Variants in TENM3 observed in about 807,000 individuals in gnomAD.
TENM3 encodes the protein teneurin-3.
TENM3 carries 63 observed loss-of-function variants against 255.1 expected under a neutral mutation model. The ratio of observed to expected loss-of-function variants is 0.25; its 90% CI spans 0.20 to 0.30. TENM3 has a LOEUF of 0.30. TENM3 is among the 10% of genes least tolerant of loss of function. The probability of loss-of-function intolerance (pLI) is 1.00; values close to 1 mark genes in which losing one functional copy is unlikely to be tolerated. For synonymous variants in TENM3, 1,306 were observed against 1,322.3 expected (o/e 0.99, Z 0.27); for missense variants, 2,929 against 3,461.1 (o/e 0.85, Z 3.86).
intron 6 of TENM3, among the ~76,000 whole-genome samples, chr4:182,669,531 A>G (rs925724966): frequency 1.3e-4 from 19 of 151,852 alleles, no homozygotes; most frequent in Non-Finnish European, 2.6e-4. Context: ...CAGCCTCCCA[A>G]ATTGCTAGGA....
In TENM3 at chr4:182,389,785, G is replaced by T. The variant is rs7440791; in HGVS notation, c.511+42856G>T. Among the ~76,000 whole-genome samples, 3 of 144,302 alleles carry T rather than the reference G, an allele frequency of 2.1e-5. No homozygotes were observed. The South Asian group carries it at 6.5e-4, about 31-fold the overall frequency. The allele number at this position is 144,302 out of a possible 152,430, so 94.7% of individuals were successfully genotyped here. A position where few individuals can be genotyped will look rare whatever the true frequency, so the allele number is the denominator to read the frequency against. On this transcript the variant is annotated intron_variant, in intron 3 of 27. Coordinates refer to ENST00000511685, the MANE Select transcript of TENM3 (RefSeq NM_001080477.4). ...ACTGCAAGCTCCGCCTCCCGGGTTCGCGCCATTCTCCTGCCTCAGCCTCCC... is the reference window on the plus strand; with the variant it reads ...ACTGCAAGCTCCGCCTCCCGGGTTCTCGCCATTCTCCTGCCTCAGCCTCCC...
chr4:182,653,821 A>G lies in TENM3; in HGVS notation c.1039A>G (p.Thr347Ala), dbSNP rs777233550. ...NWQLQQTEND[T>A]FENGKVNSDT... ...GCAGCTACAGCAGACTGAAAATGAC[A>G]CATTTGAGAATGGAAAAGTGAATTC... The change falls in exon 6 of 28, where the codon ACA becomes GCA. Residue 347 changes from threonine to alanine, a missense_variant. Around this residue, in one of 6 missense-constraint regions of TENM3, gnomAD observed 1,608 missense variants for 1,884.4 expected, o/e 0.85. Transcript: ENST00000511685. 12 of 1,612,992 alleles carry G rather than the reference A, an allele frequency of 7.4e-6. No individual in the cohort carries two copies. In the African/African-American group the frequency reaches 8.0e-5, roughly 11 times the overall value.
chr4:181,772,646 T>G, the TENM3 span, among the ~76,000 whole-genome samples: 1 of 152,188 alleles, frequency 6.6e-6, no homozygotes, highest in African/African-American at 2.4e-5. Flanking sequence ...AAAAATATAC[T>G]CAGCCCTGAG....
intron 3 of TENM3, among the ~76,000 whole-genome samples, chr4:182,381,343 T>C (rs1767550017): frequency 6.6e-6 from 1 of 151,960 alleles, no homozygotes; most frequent in Non-Finnish European, 1.5e-5. Flanking sequence ...GGAGGGACCA[T>C]GGGATGCAGG....
the TENM3 span, among the ~76,000 whole-genome samples, chr4:181,725,496 C>T: frequency 6.6e-6 from 1 of 151,162 alleles, no homozygotes; most frequent in Non-Finnish European, 1.5e-5. Context: ...ACTCTGTCAC[C>T]CAGGCTGGAG....
chr4:181,925,522 T>C, the TENM3 span, among the ~76,000 whole-genome samples: 6 of 152,226 alleles, frequency 3.9e-5, no homozygotes, highest in African/African-American at 7.2e-5. Context: ...GTTATAAAAA[T>C]GAAAATACTA....
At chr4:182,204,076 A>T (rs972266946) in intron 1 of TENM3, among the ~76,000 whole-genome samples, 4 of 152,210 alleles carry the variant, frequency 2.6e-5, no homozygotes, top group African/African-American at 9.7e-5. Context: ...TGAAGGGGGA[A>T]ATCAACAGGG....
At chr4:182,404,838 G>A (rs75355102) in intron 3 of TENM3, among the ~76,000 whole-genome samples, 3,438 of 152,290 alleles carry the variant, frequency 0.023, 65 homozygotes, top group Non-Finnish European at 0.033. Context: ...TTGAGAACTG[G>A]AACCACACAG....
the TENM3 span, among the ~76,000 whole-genome samples, chr4:181,605,574 GAGAAAGAAAGGAAAGAA>G: frequency 4.5e-5 from 1 of 22,028 alleles, no homozygotes; most frequent in Admixed American, 6.6e-4. Flanking sequence ...AAGAAAGAGA[GAGAAAGAAAGGAAAGAA>G]AGAAAGAAAG....
the TENM3 span, among the ~76,000 whole-genome samples, chr4:182,029,415 T>C: frequency 6.6e-6 from 1 of 152,188 alleles, no homozygotes; most frequent in South Asian, 2.1e-4. Context: ...CATCTGTCAA[T>C]GCTGAAAGTG....
At chr4:181,605,546 GAAAGAAAGAAAGAA>G in the TENM3 span, among the ~76,000 whole-genome samples, 17 of 27,358 alleles carry the variant, frequency 6.2e-4, 1 homozygote, top group African/African-American at 1.4e-3. Context: ...AAGAAAGAAA[GAAAGAAAGAAAGAA>G]AGAAAGAAAG....
chr4:182,720,844 T>G (rs1292787592), intron 13 of TENM3, among the ~76,000 whole-genome samples: 1 of 150,048 alleles, frequency 6.7e-6, no homozygotes, highest in African/African-American at 2.5e-5. Flanking sequence ...CTTAGCTCAC[T>G]GCAACCTCTG....
In TENM3 at chr4:182,233,963, C is replaced by T. The variant is rs1013497255; in HGVS notation, c.-76+89209C>T. Among the ~76,000 whole-genome samples the T allele has an allele frequency of 4.6e-5, 7 of 152,176 alleles. No homozygotes were observed. The East Asian group carries it at 7.7e-4, about 17-fold the overall frequency. Reference sequence around the variant, plus strand: ...CTTTCGGCTTTTCCAGCTTTCCAGGCGTCTGATTTTTGTTATTACTGTGTT... The same window carrying T: ...CTTTCGGCTTTTCCAGCTTTCCAGGTGTCTGATTTTTGTTATTACTGTGTT... On this transcript the variant is annotated intron_variant, in intron 1 of 2. Coordinates refer to the TENM3 transcript ENST00000512480.
chr4:182,110,979 G>A, the TENM3 span, among the ~76,000 whole-genome samples: 2 of 152,234 alleles, frequency 1.3e-5, no homozygotes, highest in African/African-American at 4.8e-5. Flanking sequence ...ACTAGGAAGT[G>A]GAAAGTGCTG....
At chr4:181,988,479 A>G in the TENM3 span, among the ~76,000 whole-genome samples, 4 of 152,242 alleles carry the variant, frequency 2.6e-5, no homozygotes, top group South Asian at 4.1e-4. Flanking sequence ...ACCAAAAGCC[A>G]GGAACACAGC....
At chr4:182,107,039 T>C in the TENM3 span, among the ~76,000 whole-genome samples, 4 of 152,122 alleles carry the variant, frequency 2.6e-5, no homozygotes, top group Non-Finnish European at 5.9e-5. Context: ...TTTGTACTTG[T>C]CTAGAATATA....
chr4:181,858,798 G>A, the TENM3 span, among the ~76,000 whole-genome samples: 5 of 152,170 alleles, frequency 3.3e-5, no homozygotes, highest in Admixed American at 3.3e-4. Context: ...ACATTGTAAG[G>A]GAATAGTGGG....
At chr4:181,988,991 C>T in the TENM3 span, among the ~76,000 whole-genome samples, 2 of 152,200 alleles carry the variant, frequency 1.3e-5, no homozygotes, top group African/African-American at 4.8e-5. Flanking sequence ...TTGCCTTACC[C>T]TCTTTTATAA....
At chr4:181,988,962 C>A in the TENM3 span, among the ~76,000 whole-genome samples, 11 of 152,042 alleles carry the variant, frequency 7.2e-5, no homozygotes, top group African/African-American at 2.7e-4. Flanking sequence ...CACGACCCCA[C>A]TTAGCAGTTA....
Sources: gnomAD v4.1 joint callset for allele counts (sites outside exome capture counted in the v4.1 genomes callset) on GRCh38, gnomAD v4.1.1 for gene constraint, gnomAD v4.1.1 regional missense constraint, MANE v1.5 for transcripts, NCBI Gene and HGNC (gene_info 2026-07-23, HGNC 2026-07-21) for gene names.